RNF5: variants seen among roughly 807,000 people sequenced by gnomAD.
RNF5 encodes E3 ubiquitin-protein ligase RNF5.
Under a neutral mutation model 24.4 loss-of-function variants are expected in RNF5, and 16 were observed. The observed-to-expected ratio is 0.66, with a 90% CI of 0.44 to 1.00. The LOEUF (loss-of-function observed/expected upper bound fraction) is 1.00, where lower values mean the gene tolerates loss of function less well. RNF5 is among the 50% of genes least tolerant of loss of function. RNF5 has a pLI of 0.00. For synonymous variants in RNF5, 64 were observed against 88.5 expected (o/e 0.72, Z 1.55); for missense variants, 185 against 236.7 (o/e 0.78, Z 1.43).
At position 32,178,439 on chromosome 6, in the gene RNF5, T is replaced by C. The variant is rs1207251921; in HGVS notation, c.-73T>C. 1.8e-5 allele frequency: 24 copies of C among 1,311,228 alleles called. No homozygotes were observed. The highest frequency in any genetic ancestry group is 1.7e-4 in the Admixed American group (6 of 35,422). The allele number at this position is 1,311,228 out of a possible 1,614,324, so 81.2% of individuals were successfully genotyped here. ...CCAACGATCGTGGGCAGGAGGTGGT[T>C]TCTGGTTTGTTGGGGCGTGTGTATG... On this transcript the variant is annotated 5_prime_UTR_variant, in exon 1 of 6. Transcript: ENST00000375094.
In RNF5 at chr6:32,179,436, G is replaced by C. The variant is rs1785882516; in HGVS notation, c.141-105G>C. 2.8e-6 allele frequency: 4 copies of C among 1,409,054 alleles called. No homozygotes were observed. In the South Asian group the frequency reaches 4.8e-5, roughly 17 times the overall value. The allele number at this position is 1,409,054 out of a possible 1,614,324, so 87.3% of individuals were successfully genotyped here. ...GCAGAAAATCTGAAAAGCAACAGCA[G>C]GTTGCTTGGGAAGAGGGGTTAGATG... On this transcript the variant is annotated intron_variant, in intron 1 of 5. Transcript: ENST00000375094. The surrounding 1 kb of genome is among the most constrained non-coding windows in gnomAD (Gnocchi z 5.4).
At position 32,179,816 on chromosome 6, in the gene RNF5, A is replaced by T; in HGVS notation, c.272+53A>T. Reference sequence around the variant, plus strand: ...AAGATTGAAGGCTTCTGCCCTTGGAAAACGGTGTGGAAGATGGGAGGAGAA... The same window carrying T: ...AAGATTGAAGGCTTCTGCCCTTGGATAACGGTGTGGAAGATGGGAGGAGAA... On this transcript the variant is annotated intron_variant, in intron 3 of 5. Transcript: ENST00000375094. This position sits in a 1 kb window ranked among gnomAD's most constrained non-coding sequence, Gnocchi z 5.4. The T allele has an allele frequency of 2.5e-6, 4 of 1,613,564 alleles. No homozygotes were observed. Among genetic ancestry groups the T allele is most frequent in the Non-Finnish European group, 3.4e-6 (4 of 1,179,550 alleles).
In RNF5 at chr6:32,179,380, G is replaced by T. The variant is rs41268928; in HGVS notation, c.141-161G>T. 1.3e-5 allele frequency among the ~76,000 whole-genome samples: 2 copies of T among 152,086 alleles called. No homozygotes were observed. Among genetic ancestry groups the T allele is most frequent in the East Asian group, 3.9e-4 (2 of 5,180 alleles). On this transcript the variant is annotated intron_variant, in intron 1 of 5. Transcript: ENST00000375094. The surrounding 1 kb of genome is among the most constrained non-coding windows in gnomAD (Gnocchi z 5.4). ...GTTGGAAGATCAGACAAGCAGGAAG[G>T]CTAACTAAGTTGGCTGGCATGGTAG...
chr6:32,178,814 A>G (rs1430427353), intron 1 of RNF5, among the ~76,000 whole-genome samples, 163 bp downstream of exon 1: 2 of 152,144 alleles, frequency 1.3e-5, no homozygotes, highest in African/African-American at 4.8e-5. Flanking sequence ...GGGTGGGAGT[A>G]TAACGGTCGA....
rs1204585012 is a variant in RNF5 at position 32,180,414 on chromosome 6, G to A, written c.*88G>A. The A allele has an allele frequency of 5.7e-6, 7 of 1,230,796 alleles. No individual in the cohort carries two copies. The highest frequency in any genetic ancestry group is 8.3e-6 in the Non-Finnish European group (7 of 847,506). 76.2% of individuals were successfully genotyped at this position (1,230,796 alleles called of 1,614,324 possible). The stretch of plus-strand genomic sequence containing the variant: ...CCCTTCCGTACTCCTGGACCCCCTT[G>A]ACCCCTCTATTTCTGTTGGCTAAGG... On this transcript the variant is annotated 3_prime_UTR_variant, in exon 6 of 6. Transcript: ENST00000375094.
rs766785904 is a variant in RNF5, at chr6:32,179,814, G to C, written c.272+51G>C. Reference sequence around the variant, plus strand: ...GGAAGATTGAAGGCTTCTGCCCTTGGAAAACGGTGTGGAAGATGGGAGGAG... The same window carrying C: ...GGAAGATTGAAGGCTTCTGCCCTTGCAAAACGGTGTGGAAGATGGGAGGAG... On this transcript the variant is annotated intron_variant, in intron 3 of 5. Coordinates refer to ENST00000375094, the MANE Select transcript of RNF5 (RefSeq NM_006913.4). This position sits in a 1 kb window ranked among gnomAD's most constrained non-coding sequence, Gnocchi z 5.4. 1.9e-6 allele frequency: 3 copies of C among 1,613,610 alleles called. No individual in the cohort carries two copies. The highest frequency in any genetic ancestry group is 2.5e-6 in the Non-Finnish European group (3 of 1,179,576).
rs763159722 is a variant in RNF5 at position 32,179,671 on chromosome 6, A to G, written c.180A>G (p.Glu60=). 5.0e-6 allele frequency: 8 copies of G among 1,614,170 alleles called. No individual in the cohort carries two copies. The highest frequency in any genetic ancestry group is 6.8e-6 in the Non-Finnish European group (8 of 1,180,022). Residue 60 remains glutamate, a synonymous_variant, in exon 3 of 6, where the codon GAA becomes GAG. Transcript: ENST00000375094. This position sits in a 1 kb window ranked among gnomAD's most constrained non-coding sequence, Gnocchi z 5.4. The part of the protein sequence containing the change: ...CLHQWLETRP[E]RQECPVCKAG... ...CCCAGTGGCTGGAGACACGGCCAGA[A>G]CGGCAAGAGTGTCCAGTATGTAAAG...
Position 32,178,588 on chromosome 6 carries a change from A to G in RNF5, c.77A>G (p.Glu26Gly), listed in dbSNP as rs758750126. 7.4e-6 allele frequency: 12 copies of G among 1,611,346 alleles called. No homozygotes were observed. In the Admixed American group the frequency reaches 2.0e-4, roughly 27 times the overall value. The part of the protein sequence containing the change: ...RERGGAGATF[E>G]CNICLETARE... ...CGGGGCGGGGCGGGCGCGACCTTCG[A>G]ATGTAATATATGTTTGGAGACTGCT... Residue 26 changes from glutamate to glycine, a missense_variant, in exon 1 of 6, where the codon GAA becomes GGA. Transcript: ENST00000375094.
In RNF5 at chr6:32,179,716, G is replaced by A. The variant is rs1389256454; in HGVS notation, c.225G>A (p.Lys75=). 2.5e-6 allele frequency: 4 copies of A among 1,614,168 alleles called. No homozygotes were observed. The highest frequency in any genetic ancestry group is 2.5e-6 in the Non-Finnish European group (3 of 1,180,010). ...GTAAAGCTGGGATCAGCAGAGAGAA[G>A]GTTGTCCCGCTTTATGGGCGAGGGA... The part of the protein sequence containing the change: ...PVCKAGISRE[K]VVPLYGRGSQ... Residue 75 remains lysine (K), a synonymous_variant, in exon 3 of 6, where the codon AAG becomes AAA. Coordinates refer to ENST00000375094, the MANE Select transcript of RNF5 (RefSeq NM_006913.4). The surrounding 1 kb of genome is among the most constrained non-coding windows in gnomAD (Gnocchi z 5.4).
chr6:32,178,796 G>A, intron 1 of RNF5, 145 bp downstream of exon 1: 2 of 779,438 alleles, frequency 2.6e-6, no homozygotes, highest in Non-Finnish European at 4.1e-6. Context: ...GACTTTGCTG[G>A]TATGTGTGGG....
rs200253127 is a variant in RNF5 at position 32,179,918 on chromosome 6, C to T, written c.314C>T (p.Pro105Leu). The T allele has an allele frequency of 4.0e-5, 64 of 1,614,204 alleles. No individual in the cohort carries two copies. The highest frequency in any genetic ancestry group is 2.0e-4 in the Admixed American group (12 of 60,026). ...PPRPQGQRPA[P>L]ESRGGFQPFG... ...CGCCCCCAGGGCCAGAGACCAGCTC[C>T]GGAGAGCAGAGGGGTGAGTCTTCTT... Residue 105 changes from proline (P) to leucine (L), a missense_variant, in exon 4 of 6, where the codon CCG becomes CTG. Physicochemically the swap from Pro to Leu is moderately conservative, Grantham distance 98. Coordinates refer to ENST00000375094, the MANE Select transcript of RNF5 (RefSeq NM_006913.4). This position sits in a 1 kb window ranked among gnomAD's most constrained non-coding sequence, Gnocchi z 5.4.
Position 32,178,575 on chromosome 6 carries a change from G to C in RNF5, c.64G>C (p.Gly22Arg), listed in dbSNP as rs754068950. 1 of 1,610,066 alleles carries C rather than the reference G, an allele frequency of 6.2e-7. No individual in the cohort carries two copies. The highest frequency in any genetic ancestry group is 1.7e-5 in the Admixed American group (1 of 59,966). Residue 22 changes from glycine (G) to arginine (R), a missense_variant, in exon 1 of 6, where the codon GGC (glycine) becomes CGC (arginine). By Grantham distance (125) the Gly-to-Arg change is moderately radical. Transcript: ENST00000375094. ...GCCAAATCGCGAGCGGGGCGGGGCGGGCGCGACCTTCGAATGTAATATATG... is the reference window on the plus strand; with the variant it reads ...GCCAAATCGCGAGCGGGGCGGGGCGCGCGCGACCTTCGAATGTAATATATG... Reference protein sequence around the residue: ...EGPNRERGGAGATFECNICLE... With the variant: ...EGPNRERGGARATFECNICLE...
rs368492645 is a variant in RNF5, at chr6:32,179,563, C to T, written c.159+4C>T. The T allele has an allele frequency of 4.6e-5, 74 of 1,612,752 alleles. No homozygotes were observed. The highest frequency in any genetic ancestry group is 1.6e-4 in the Middle Eastern group (1 of 6,080). On this transcript the variant is annotated splice_donor_region_variant and intron_variant, in intron 2 of 5. Coordinates refer to ENST00000375094, the MANE Select transcript of RNF5 (RefSeq NM_006913.4). This position sits in a 1 kb window ranked among gnomAD's most constrained non-coding sequence, Gnocchi z 5.4. The stretch of plus-strand genomic sequence containing the variant: ...CAGTTGGCCATGTCTTCATCAGGTG[C>T]GTACTCAGGAGATGAAGAGGGAAAT...
rs1785911592 is a variant in RNF5 at position 32,179,641 on chromosome 6, T to TTC, written c.160-7_160-6dup. On this transcript the variant is annotated splice_polypyrimidine_tract_variant and intron_variant, in intron 2 of 5. Coordinates refer to ENST00000375094, the MANE Select transcript of RNF5 (RefSeq NM_006913.4). This position sits in a 1 kb window ranked among gnomAD's most constrained non-coding sequence, Gnocchi z 5.4. ...TCTTGTATACTGGAAACCACCTTTT[T>TTC]TCTCCCCAGTGGCTGGAGACACGGC... is the stretch of plus-strand genomic sequence containing the variant. 5 of 1,614,100 alleles carry TTC rather than the reference T, an allele frequency of 3.1e-6. No homozygotes were observed. Among genetic ancestry groups the TTC allele is most frequent in the East Asian group, 2.2e-5 (1 of 44,886 alleles).
Position 32,179,514 on chromosome 6 carries a change from C to A in RNF5, c.141-27C>A. ...CTCTCTTTTCTGTAGCTAGTTTGAC[C>A]TTTTTTTTTTTTTCTCCCCCATCCA... On this transcript the variant is annotated intron_variant, in intron 1 of 5. Coordinates refer to ENST00000375094, the MANE Select transcript of RNF5 (RefSeq NM_006913.4). This position sits in a 1 kb window ranked among gnomAD's most constrained non-coding sequence, Gnocchi z 5.4. The A allele has an allele frequency of 7.2e-7, 1 of 1,395,780 alleles. No homozygotes were observed. Among genetic ancestry groups the A allele is most frequent in the Non-Finnish European group, 1.0e-6 (1 of 997,544 alleles). The allele number at this position is 1,395,780 out of a possible 1,614,324, so 86.5% of individuals were successfully genotyped here. A position where few individuals can be genotyped will look rare whatever the true frequency, so the allele number is the denominator to read the frequency against.
Position 32,179,707 on chromosome 6 carries a change from C to T in RNF5, c.216C>T (p.Ser72=), listed in dbSNP as rs766951877. Residue 72 remains serine, a synonymous_variant, in exon 3 of 6, where the codon AGC becomes AGT. Transcript: ENST00000375094. The surrounding 1 kb of genome is among the most constrained non-coding windows in gnomAD (Gnocchi z 5.4). ...GTCCAGTATGTAAAGCTGGGATCAG[C>T]AGAGAGAAGGTTGTCCCGCTTTATG... is the stretch of plus-strand genomic sequence containing the variant. ...QECPVCKAGI[S]REKVVPLYGR... is the part of the protein sequence containing the mutation. The T allele has an allele frequency of 3.7e-6, 6 of 1,614,116 alleles. No individual in the cohort carries two copies. In the Admixed American group the frequency reaches 8.3e-5, roughly 22 times the overall value.
At position 32,180,007 on chromosome 6, in the gene RNF5, A is replaced by T. The variant is rs777791713; in HGVS notation, c.328-2A>T. On this transcript the variant is annotated splice_acceptor_variant, in intron 4 of 5. Transcript: ENST00000375094. LOFTEE classifies it high-confidence loss of function. ...CCTGTCTGACTTTTTCTGCCTCCCT[A>T]GGGATTCCAGCCATTTGGTGATACC... 6.2e-7 allele frequency: 1 copy of T among 1,613,906 alleles called. No homozygotes were observed. The highest frequency in any genetic ancestry group is 8.5e-7 in the Non-Finnish European group (1 of 1,179,936).
rs1365650600 is a variant in RNF5, at chr6:32,179,866, C to T, written c.273-11C>T. ...AAAATCCCTGTTAACTTTCTCTCTC[C>T]ACTTCCTCAGATTAAAAACTCCACC... On this transcript the variant is annotated splice_polypyrimidine_tract_variant and intron_variant, in intron 3 of 5. Coordinates refer to ENST00000375094, the MANE Select transcript of RNF5 (RefSeq NM_006913.4). The surrounding 1 kb of genome is among the most constrained non-coding windows in gnomAD (Gnocchi z 5.4). 1 of 1,614,138 alleles carries T rather than the reference C, an allele frequency of 6.2e-7. No individual in the cohort carries two copies.
Position 32,179,583 on chromosome 6 carries a change from G to A in RNF5, c.159+24G>A, listed in dbSNP as rs755607931. ...AGGTGCGTACTCAGGAGATGAAGAG[G>A]GAAATGGGGAGGTCTGAGGAGCTGT... On this transcript the variant is annotated intron_variant, in intron 2 of 5. Transcript: ENST00000375094. The surrounding 1 kb of genome is among the most constrained non-coding windows in gnomAD (Gnocchi z 5.4). 1 of 1,613,986 alleles carries A rather than the reference G, an allele frequency of 6.2e-7. No homozygotes were observed. The highest frequency in any genetic ancestry group is 1.1e-5 in the South Asian group (1 of 91,066).
Sources: allele counts gnomAD v4.1 joint callset (sites outside exome capture counted in the v4.1 genomes callset), GRCh38; gene constraint gnomAD v4.1.1; non-coding constraint Gnocchi (gnomAD v3.1); transcripts MANE v1.5; gene names NCBI Gene and HGNC (gene_info 2026-07-23, HGNC 2026-07-21).